The following HK3 variants were observed in gnomAD, a reference collection of about 807,000 sequenced individuals.
HK3 encodes the protein hexokinase 3.
In HK3, 93 loss-of-function variants were observed where a neutral mutation model predicts 91.0. The ratio of observed to expected loss-of-function variants is 1.02; its 90% CI spans 0.86 to 1.21. The LOEUF (loss-of-function observed/expected upper bound fraction) is 1.21. Among genes scored for constraint, HK3 ranks in the 50% most tolerant of loss-of-function variants. HK3 has a pLI of 0.00. For synonymous variants in HK3, 519 were observed against 516.9 expected (o/e 1.00, Z -0.06); for missense variants, 1,235 against 1,247.4 (o/e 0.99, Z 0.15).
chr5:176,897,386 G>C (rs528767926), intron 1 of HK3, among the ~76,000 whole-genome samples: 10 of 152,134 alleles, frequency 6.6e-5, no homozygotes, highest in Non-Finnish European at 1.3e-4. Context: ...AAACACAGCA[G>C]AGGGCCCAAT....
At position 176,888,338 on chromosome 5, in the gene HK3, T is replaced by G. The variant is rs1758657075; in HGVS notation, c.1298A>C (p.His433Pro). The change falls in exon 10 of 19, where the codon CAC becomes CCC. Residue 433 changes from histidine (H) to proline (P), a missense_variant. By Grantham distance (77) the His-to-Pro change is moderately conservative (BLOSUM62 -2). Coordinates refer to ENST00000292432, the MANE Select transcript of HK3 (RefSeq NM_002115.3). ...VATGGRVCER[H>P]PRFCSVLQGT... ...GATCACGTTTCCACAATACCTGGGG[T>G]GCCGCTCACACACTCGGCCTCCGGT... is the stretch of plus-strand genomic sequence containing the variant. The G allele has an allele frequency of 6.4e-7, 1 of 1,554,362 alleles. No individual in the cohort carries two copies. The highest frequency in any genetic ancestry group is 8.7e-7 in the Non-Finnish European group (1 of 1,148,092).
chr5:176,881,261 C>T, intron 18 of HK3, 41 bp downstream of exon 18: 1 of 1,613,392 alleles, frequency 6.2e-7, no homozygotes, highest in East Asian at 2.2e-5. Context: ...CCAGCCCCAC[C>T]TGGCCACACC....
chr5:176,882,189 C>T (rs1396630960), intron 15 of HK3, 62 bp from the exon 16 acceptor site: 2 of 1,558,164 alleles, frequency 1.3e-6, no homozygotes, highest in Admixed American at 3.4e-5. Flanking sequence ...CCTCTGAGCA[C>T]TTCCCATACC....
chr5:176,899,116 TAGAGAG>T (rs921821513), intron 1 of HK3, among the ~76,000 whole-genome samples, 145 bp downstream of exon 1: 1 of 151,958 alleles, frequency 6.6e-6, no homozygotes, highest in African/African-American at 2.4e-5. Flanking sequence ...GTCTGGGTGA[TAGAGAG>T]AGAGACCCCA....
chr5:176,886,698 CA>C (rs2149374544), intron 13 of HK3, among the ~76,000 whole-genome samples: 1 of 152,286 alleles, frequency 6.6e-6, no homozygotes, highest in South Asian at 2.1e-4. Context: ...GAGACAGGAA[CA>C]AATGCTGGTT....
chr5:176,891,046 A>C lies in HK3; in HGVS notation c.405T>G (p.Ala135=). ...FVIPQEVMLG[A]GQQLFDFAAH... ...GGCAGTGAGTGCTTACCTGCTGGCC[A>C]GCACCCAGCATCACCTCTTGGGGGA... is the stretch of plus-strand genomic sequence containing the variant. The change falls in exon 4 of 19, where the codon GCT becomes GCG. Residue 135 remains alanine, a synonymous_variant. Coordinates refer to ENST00000292432, the MANE Select transcript of HK3 (RefSeq NM_002115.3). The C allele has an allele frequency of 6.2e-7, 1 of 1,613,984 alleles. No individual in the cohort carries two copies. The highest frequency in any genetic ancestry group is 8.5e-7 in the Non-Finnish European group (1 of 1,180,000).
rs766982681 is a variant in HK3 at position 176,881,772 on chromosome 5, G to A, written c.2313C>T (p.Gly771=). The A allele has an allele frequency of 9.9e-6, 16 of 1,614,040 alleles. No homozygotes were observed. The highest frequency in any genetic ancestry group is 3.3e-5 in the South Asian group (3 of 91,088). ...RHILLHLTSL[G]VLFRGQQIQR... ...GGATCTGCTGGCCCCGGAAGAGAAC[G>A]CCAAGGCTGGTTAAATGTAAAAGGA... Residue 771 remains glycine (G), a synonymous_variant, in exon 17 of 19, where the codon GGC becomes GGT. Transcript: ENST00000292432.
rs776654075 is a variant in HK3, at chr5:176,884,117, C to T, written c.1875G>A (p.Trp625Ter). Residue 625 changes from tryptophan (W) to a stop codon, truncating the protein, a stop_gained, in exon 14 of 19, where the codon TGG becomes TGA. Transcript: ENST00000292432. LOFTEE classifies it high-confidence loss of function. This position sits in a 1 kb window ranked among gnomAD's most constrained non-coding sequence, Gnocchi z 4.1. ...AGTCTGATGCCTTGAAACCCTTGGTCCAGTTCAGGAGGATGCCCTGGGGTG... is the reference window on the plus strand; with the variant it reads ...AGTCTGATGCCTTGAAACCCTTGGTTCAGTTCAGGAGGATGCCCTGGGGTG... Reference protein sequence around the residue: ...LGLDQGILLNWTKGFKASDCE... With the variant: ...LGLDQGILLN 6.2e-7 allele frequency: 1 copy of T among 1,614,066 alleles called. No individual in the cohort carries two copies. Among genetic ancestry groups the T allele is most frequent in the Non-Finnish European group, 8.5e-7 (1 of 1,179,990 alleles).
At chr5:176,895,410 G>T (rs541180996) in intron 2 of HK3, among the ~76,000 whole-genome samples, 6 of 152,198 alleles carry the variant, frequency 3.9e-5, no homozygotes, top group African/African-American at 9.7e-5. Context: ...TAGCCTTCAG[G>T]GGGTGGGGAG....
At chr5:176,886,422 G>T (rs932011991) in intron 13 of HK3, among the ~76,000 whole-genome samples, 1 of 151,784 alleles carries the variant, frequency 6.6e-6, no homozygotes, top group Non-Finnish European at 1.5e-5. Flanking sequence ...TGGGTATGTT[G>T]AAAGGGAGAT....
chr5:176,887,137 G>A lies in HK3; in HGVS notation c.1738-16C>T, dbSNP rs199959201. 4.7e-5 allele frequency: 76 copies of A among 1,614,224 alleles called. No homozygotes were observed. In the East Asian group the frequency reaches 1.4e-3, roughly 31 times the overall value. On this transcript the variant is annotated splice_polypyrimidine_tract_variant and intron_variant, in intron 12 of 18. Coordinates refer to ENST00000292432, the MANE Select transcript of HK3 (RefSeq NM_002115.3). This position sits in a 1 kb window ranked among gnomAD's most constrained non-coding sequence, Gnocchi z 4.9. ...GGTCAAAGAGCTGTGGGGCAGGACA[G>A]GTCAGGCGTAGGCACTGCTCAGCCC... is the stretch of plus-strand genomic sequence containing the variant.
chr5:176,897,908 G>A (rs192064477), intron 1 of HK3, among the ~76,000 whole-genome samples: 27 of 152,304 alleles, frequency 1.8e-4, no homozygotes, highest in African/African-American at 5.1e-4. Flanking sequence ...TGGTGGAGAA[G>A]CTCCTCAAAT....
At position 176,881,200 on chromosome 5, in the gene HK3, G is replaced by A. The variant is rs200385786; in HGVS notation, c.2645C>T (p.Ala882Val). Residue 882 changes from alanine (A) to valine (V), a missense_variant, in exon 19 of 19, where the codon GCG (alanine) becomes GTG (valine). By Grantham distance (64) the Ala-to-Val change is moderately conservative. Coordinates refer to ENST00000292432, the MANE Select transcript of HK3 (RefSeq NM_002115.3). ...AGGGGCCAGCTCCCGCACTGTGGCC[G>A]CCACCAGGCTGGAGAAGCTGTGAGA... ...KLHPRFSSLV[A>V]ATVRELAPRC... 203 of 1,613,108 alleles carry A rather than the reference G, an allele frequency of 1.3e-4. No individual in the cohort carries two copies. In the East Asian group the frequency reaches 2.4e-3, roughly 19 times the overall value.
intron 13 of HK3, among the ~76,000 whole-genome samples, chr5:176,886,314 G>A (rs1758582982): frequency 6.6e-6 from 1 of 151,892 alleles, no homozygotes; most frequent in Non-Finnish European, 1.5e-5. Context: ...GGTTGGAGTA[G>A]GTGAGATGAA....
chr5:176,885,294 C>T (rs904108822), intron 13 of HK3, among the ~76,000 whole-genome samples: 4 of 152,222 alleles, frequency 2.6e-5, no homozygotes, highest in South Asian at 2.1e-4. Flanking sequence ...GAGCAGGGCC[C>T]GGGGCACCTC....
At chr5:176,892,917 G>A (rs925816056) in intron 2 of HK3, among the ~76,000 whole-genome samples, 3 of 152,200 alleles carry the variant, frequency 2.0e-5, no homozygotes, top group Non-Finnish European at 4.4e-5. Flanking sequence ...TTGCCTTACA[G>A]CACATGCTTC....
In HK3 at chr5:176,884,770, G is replaced by A. The variant is rs992615756; in HGVS notation, c.1858-636C>T. On this transcript the variant is annotated intron_variant, in intron 13 of 18. Coordinates refer to ENST00000292432, the MANE Select transcript of HK3 (RefSeq NM_002115.3). The surrounding 1 kb of genome is among the most constrained non-coding windows in gnomAD (Gnocchi z 4.1). ...TGGAAAGGAATGCTGTTTTCTTAGT[G>A]TGCGTCCTCTGAGGGAGGGGGCAGG... 1.3e-5 allele frequency among the ~76,000 whole-genome samples: 2 copies of A among 152,180 alleles called. No homozygotes were observed. The highest frequency in any genetic ancestry group is 4.8e-5 in the African/African-American group (2 of 41,434).
chr5:176,886,923 C>T, intron 13 of HK3, 79 bp downstream of exon 13: 1 of 1,554,470 alleles, frequency 6.4e-7, no homozygotes, highest in Non-Finnish European at 8.8e-7. Flanking sequence ...CAGCCTTTTC[C>T]CCTGCCTCCT....
chr5:176,892,569 C>T (rs562885731), intron 2 of HK3, among the ~76,000 whole-genome samples: 1 of 152,242 alleles, frequency 6.6e-6, no homozygotes, highest in East Asian at 1.9e-4. Flanking sequence ...ACCCATCCTT[C>T]AAAGAAGCCC....
Sources: allele counts gnomAD v4.1 joint callset (sites outside exome capture counted in the v4.1 genomes callset), GRCh38; gene constraint gnomAD v4.1.1; non-coding constraint Gnocchi (gnomAD v3.1); transcripts MANE v1.5; gene names NCBI Gene and HGNC (gene_info 2026-07-23, HGNC 2026-07-21).